RP1: variants seen among roughly 807,000 people sequenced by gnomAD.
RP1 encodes RP1 axonemal microtubule associated.
A neutral mutation model predicts 14.8 loss-of-function variants in RP1; 16 were observed. That is an observed-to-expected ratio of 1.08 (90% CI 0.73 to 1.65). The LOEUF (loss-of-function observed/expected upper bound fraction) is 1.65, where lower values mean the gene tolerates loss of function less well. Among genes scored for constraint, RP1 ranks in the 40% most tolerant of loss-of-function variants. The pLI is 0.00. For missense variants in RP1, 2,631 were observed against 2,535.0 expected (o/e 1.04, Z -0.81); for synonymous variants, 876 against 883.6 (o/e 0.99, Z 0.15).
chr8:54,858,691 C>T lies in RP1; in HGVS notation c.4069+1585C>T, dbSNP rs72650375. On this transcript the variant is annotated intron_variant, in intron 27 of 28. Coordinates refer to the RP1 transcript ENST00000637698. ...GTGGAGCAGTGTCACTGTAGAGTGG[C>T]GTTTCTGTAAGGTGGTGTCACTGTG... 5.4e-3 allele frequency among the ~76,000 whole-genome samples: 794 copies of T among 146,960 alleles called. 11 individuals carry two copies. Among genetic ancestry groups the T allele is most frequent in the South Asian group, 0.044 (196 of 4,504 alleles).
intron 19 of RP1, among the ~76,000 whole-genome samples, chr8:54,752,322 G>T (rs894118655): frequency 6.6e-6 from 1 of 152,092 alleles, no homozygotes; most frequent in African/African-American, 2.4e-5. Flanking sequence ...CCCTATGTTT[G>T]GTCAATCAGT....
intron 1 of RP1, among the ~76,000 whole-genome samples, chr8:54,565,037 C>T (rs559356798): frequency 7.9e-5 from 12 of 152,196 alleles, no homozygotes; most frequent in East Asian, 3.9e-4. Flanking sequence ...ATTATAGGCG[C>T]GAGCCACCAT....
At position 54,622,294 on chromosome 8, in the gene RP1, T is replaced by A. The variant is rs974031024; in HGVS notation, c.787+6T>A. ...AAAGTCAGAAAGCAGAAAGAGTAAGTCACTTATTAATATATAGCCCATATT... is the reference window on the plus strand; with the variant it reads ...AAAGTCAGAAAGCAGAAAGAGTAAGACACTTATTAATATATAGCCCATATT... On this transcript the variant is annotated splice_donor_region_variant and intron_variant, in intron 3 of 3. Transcript: ENST00000220676. 17 of 1,613,630 alleles carry A rather than the reference T, an allele frequency of 1.1e-5. No homozygotes were observed. Among genetic ancestry groups the A allele is most frequent in the Non-Finnish European group, 1.4e-5 (16 of 1,179,852 alleles).
intron 1 of RP1, among the ~76,000 whole-genome samples, chr8:54,567,106 C>A (rs1804425841): frequency 6.6e-6 from 1 of 152,184 alleles, no homozygotes; most frequent in African/African-American, 2.4e-5. Context: ...GATTTCAATA[C>A]TCAAGTCACG....
Position 54,628,249 on chromosome 8 carries a change from C to T in RP1, c.4367C>T (p.Thr1456Ile), listed in dbSNP as rs745717869. 1.2e-6 allele frequency: 2 copies of T among 1,613,816 alleles called. No individual in the cohort carries two copies. Among genetic ancestry groups the T allele is most frequent in the African/African-American group, 1.3e-5 (1 of 74,922 alleles). ...CCAGGCTCAATAACCAACAGCATGA[C>T]ATCAAGTGAAAGAAACATTTCAGAA... Reference protein sequence around the residue: ...EEPGSITNSMTSSERNISELE... With the variant: ...EEPGSITNSMISSERNISELE... The change falls in exon 4 of 4, where the codon ACA (threonine) becomes ATA (isoleucine). Residue 1456 changes from threonine to isoleucine, a missense_variant. By Grantham distance (89) the Thr-to-Ile change is moderately conservative. Transcript: ENST00000220676.
At chr8:54,610,392 C>A (rs1805563519) in intron 1 of RP1, among the ~76,000 whole-genome samples, 1 of 152,202 alleles carries the variant, frequency 6.6e-6, no homozygotes, top group Non-Finnish European at 1.5e-5. Context: ...TATTTACACT[C>A]ACTTCTTGGA....
At chr8:54,636,059 CTG>C (rs1363007253) in intron 3 of RP1, among the ~76,000 whole-genome samples, 1 of 152,218 alleles carries the variant, frequency 6.6e-6, no homozygotes, top group Non-Finnish European at 1.5e-5. Context: ...TTTCTGGGAA[CTG>C]TGAATAATAA....
At chr8:54,711,163 GT>G (rs930838903) in intron 15 of RP1, among the ~76,000 whole-genome samples, 2 of 152,104 alleles carry the variant, frequency 1.3e-5, no homozygotes, top group African/African-American at 4.8e-5. Flanking sequence ...CTGTTACTAT[GT>G]TTTTTTAATA....
intron 24 of RP1, among the ~76,000 whole-genome samples, chr8:54,805,517 G>A (rs978304333): frequency 1.3e-5 from 2 of 152,052 alleles, no homozygotes; most frequent in African/African-American, 4.8e-5. Context: ...ATTCTAAATG[G>A]CTTACCTGTT....
chr8:54,699,274 A>G (rs1043464078), intron 12 of RP1, among the ~76,000 whole-genome samples: 1 of 152,056 alleles, frequency 6.6e-6, no homozygotes, highest in Non-Finnish European at 1.5e-5. Flanking sequence ...ACATACATAT[A>G]GATGAGAAAA....
At chr8:54,698,403 A>G (rs1467100483) in intron 12 of RP1, among the ~76,000 whole-genome samples, 1 of 152,208 alleles carries the variant, frequency 6.6e-6, no homozygotes, top group Non-Finnish European at 1.5e-5. Context: ...ACTGGAGAGG[A>G]TGTGGAGAAA....
chr8:54,858,022 A>G (rs1403722232), intron 27 of RP1, among the ~76,000 whole-genome samples: 1 of 152,210 alleles, frequency 6.6e-6, no homozygotes, highest in East Asian at 1.9e-4. Context: ...TTTAAAGGCT[A>G]GAATTATGTA....
intron 24 of RP1, among the ~76,000 whole-genome samples, chr8:54,803,593 A>G (rs1479125418): frequency 6.6e-6 from 1 of 152,214 alleles, no homozygotes; most frequent in Non-Finnish European, 1.5e-5. Flanking sequence ...TGCTTATTGT[A>G]TAAATGAGTG....
At chr8:54,576,333 C>T (rs1297999319) in intron 1 of RP1, among the ~76,000 whole-genome samples, 2 of 152,230 alleles carry the variant, frequency 1.3e-5, no homozygotes, top group African/African-American at 2.4e-5. Flanking sequence ...GCGTGAGCCA[C>T]CGCGCCCGGC....
intron 5 of RP1, among the ~76,000 whole-genome samples, chr8:54,653,880 CAT>C (rs1238584950): frequency 6.6e-6 from 1 of 152,062 alleles, no homozygotes; most frequent in Non-Finnish European, 1.5e-5. Context: ...GGTAAACTAA[CAT>C]ATGAAAATTA....
chr8:54,580,951 G>T lies in RP1; in HGVS notation c.-13+21631G>T, dbSNP rs113764223. On this transcript the variant is annotated intron_variant, in intron 1 of 22. Transcript: ENST00000636932. Reference sequence around the variant, plus strand: ...CATTTTTAAGCCTTTGGGATAGTTTGTAATATTGGAAACAATGAAATCAGG... The same window carrying T: ...CATTTTTAAGCCTTTGGGATAGTTTTTAATATTGGAAACAATGAAATCAGG... Among the ~76,000 whole-genome samples the T allele has an allele frequency of 6.9e-3, 1,048 of 152,086 alleles. 12 individuals are homozygous for T. The highest frequency in any genetic ancestry group is 0.024 in the African/African-American group (986 of 41,500).
intron 15 of RP1, among the ~76,000 whole-genome samples, chr8:54,707,207 C>T (rs550922584): frequency 2.6e-5 from 4 of 152,236 alleles, no homozygotes; most frequent in East Asian, 3.9e-4. Context: ...CATGCAATCT[C>T]GGCTCACAGC....
At chr8:54,680,004 C>G in intron 12 of RP1, 1 of 1,473,778 alleles carries the variant, frequency 6.8e-7, no homozygotes, top group African/African-American at 1.4e-5. Context: ...TTTCTAGACA[C>G]AGTTTAATTT....
chr8:54,608,881 T>C (rs577964883), intron 1 of RP1, among the ~76,000 whole-genome samples: 1 of 152,168 alleles, frequency 6.6e-6, no homozygotes, highest in Admixed American at 6.5e-5. Flanking sequence ...ACCATGAAGA[T>C]GGGGGCTGGG....
Sources: gnomAD v4.1 joint callset for allele counts (sites outside exome capture counted in the v4.1 genomes callset) on GRCh38, gnomAD v4.1.1 for gene constraint, MANE v1.5 for transcripts, NCBI Gene and HGNC (gene_info 2026-07-23, HGNC 2026-07-21) for gene names.